Variants in AGBL1 observed in about 807,000 individuals in gnomAD.
AGBL1 encodes the protein cytosolic carboxypeptidase 4.
Under a neutral mutation model 118.9 loss-of-function variants are expected in AGBL1, and 130 were observed. That is an observed-to-expected ratio of 1.09 (90% CI 0.95 to 1.26). The LOEUF (loss-of-function observed/expected upper bound fraction) is 1.26. Ranked by LOEUF, AGBL1 falls within the 50% of genes most tolerant of loss-of-function variation. AGBL1 has a pLI of 0.00. For synonymous variants in AGBL1, 555 were observed against 478.9 expected (o/e 1.16, Z -2.08); for missense variants, 1,584 against 1,298.1 (o/e 1.22, Z -3.38).
In AGBL1 at chr15:86,476,745, C is replaced by T. The variant is rs149944959; in HGVS notation, c.2556-46065C>T. Reference sequence around the variant, plus strand: ...ACCAAGCAGACCTAATAGACATCTACGGAACTCTCCACCCCAAATCAACAG... The same window carrying T: ...ACCAAGCAGACCTAATAGACATCTATGGAACTCTCCACCCCAAATCAACAG... On this transcript the variant is annotated intron_variant, in intron 18 of 22. Coordinates refer to ENST00000614907, the MANE Select transcript of AGBL1 (RefSeq NM_001386094.1). 4.2e-3 allele frequency among the ~76,000 whole-genome samples: 634 copies of T among 152,286 alleles called. 15 individuals carry two copies. Among genetic ancestry groups the T allele is most frequent in the Non-Finnish European group, 1.0e-3 (71 of 68,042 alleles).
intron 18 of AGBL1, among the ~76,000 whole-genome samples, chr15:86,448,572 G>A (rs1009774239): frequency 6.6e-6 from 1 of 152,212 alleles, no homozygotes; most frequent in African/African-American, 2.4e-5. Context: ...GCATATCTGG[G>A]AATACTGATA....
At chr15:86,168,527 AC>A (rs1329447963) in intron 5 of AGBL1, among the ~76,000 whole-genome samples, 2 of 152,236 alleles carry the variant, frequency 1.3e-5, no homozygotes, top group Non-Finnish European at 2.9e-5. Flanking sequence ...AATATCAATC[AC>A]AGTATTATTT....
intron 21 of AGBL1, among the ~76,000 whole-genome samples, chr15:86,614,805 A>G (rs1289717999): frequency 6.6e-6 from 1 of 152,212 alleles, no homozygotes; most frequent in Non-Finnish European, 1.5e-5. Flanking sequence ...AAAAAACCAG[A>G]TTGTCATATA....
intron 23 of AGBL1, among the ~76,000 whole-genome samples, chr15:86,953,795 C>A (rs866573161): frequency 6.6e-6 from 1 of 152,074 alleles, no homozygotes; most frequent in African/African-American, 2.4e-5. Flanking sequence ...TTACCGAAGT[C>A]GTTTATTAGT....
intron 23 of AGBL1, among the ~76,000 whole-genome samples, chr15:86,958,881 A>C (rs892266153): frequency 1.3e-5 from 2 of 152,192 alleles, no homozygotes; most frequent in Non-Finnish European, 2.9e-5. Flanking sequence ...AAAAATATCA[A>C]TATGAATAAG....
At chr15:86,301,096 G>A (rs1159936254) in intron 17 of AGBL1, among the ~76,000 whole-genome samples, 1 of 152,120 alleles carries the variant, frequency 6.6e-6, no homozygotes, top group East Asian at 1.9e-4. Flanking sequence ...CTTTCCGTTG[G>A]GGAGAGCTGG....
intron 5 of AGBL1, among the ~76,000 whole-genome samples, chr15:86,197,958 C>G (rs1352301875): frequency 6.6e-6 from 1 of 152,028 alleles, no homozygotes; most frequent in Non-Finnish European, 1.5e-5. Flanking sequence ...CCACTCACAT[C>G]ACAGCCCAGA....
intron 1 of AGBL1, 122 bp from the exon 2 acceptor site, chr15:86,141,882 T>C: frequency 1.0e-6 from 1 of 991,954 alleles, no homozygotes; most frequent in Non-Finnish European, 1.5e-6. Context: ...TGCCTGTCCT[T>C]TCGCTGTAGT....
chr15:86,245,365 C>T (rs1026474380), intron 6 of AGBL1, among the ~76,000 whole-genome samples: 4 of 152,188 alleles, frequency 2.6e-5, no homozygotes, highest in African/African-American at 9.7e-5. Flanking sequence ...CATACTGTCT[C>T]ATACGCCAGT....
intron 22 of AGBL1, among the ~76,000 whole-genome samples, chr15:86,858,234 A>G (rs1326421656): frequency 6.6e-6 from 1 of 152,234 alleles, no homozygotes; most frequent in Non-Finnish European, 1.5e-5. Flanking sequence ...GGAAATAAAT[A>G]ATTGCTCAGA....
At chr15:86,213,744 T>A (rs1005346543) in intron 5 of AGBL1, among the ~76,000 whole-genome samples, 3 of 152,110 alleles carry the variant, frequency 2.0e-5, no homozygotes, top group African/African-American at 7.2e-5. Flanking sequence ...CTTTTTGTTA[T>A]TTTTTTATTA....
At chr15:86,765,486 C>T (rs1469444078) in intron 22 of AGBL1, among the ~76,000 whole-genome samples, 1 of 151,872 alleles carries the variant, frequency 6.6e-6, no homozygotes, top group South Asian at 2.1e-4. Context: ...GCTGGTGTTT[C>T]AGAAGACACA....
At chr15:86,597,920 G>A (rs2084434759) in intron 21 of AGBL1, among the ~76,000 whole-genome samples, 1 of 152,082 alleles carries the variant, frequency 6.6e-6, no homozygotes, top group Middle Eastern at 3.2e-3. Flanking sequence ...TAAAAGAGAG[G>A]GAACAAAGAT....
chr15:86,300,567 T>G (rs1263578138), intron 17 of AGBL1, among the ~76,000 whole-genome samples: 1 of 151,670 alleles, frequency 6.6e-6, no homozygotes, highest in African/African-American at 2.4e-5. Context: ...TGGGAGGGGG[T>G]GGATATGCTA....
intron 21 of AGBL1, among the ~76,000 whole-genome samples, chr15:86,652,611 CATTT>C (rs1224209881): frequency 6.6e-6 from 1 of 152,066 alleles, no homozygotes; most frequent in Non-Finnish European, 1.5e-5. Flanking sequence ...GCATACTATC[CATTT>C]ATTCTCCTTC....
intron 2 of AGBL1, among the ~76,000 whole-genome samples, chr15:86,142,775 G>C (rs1041632383): frequency 6.6e-6 from 1 of 152,134 alleles, no homozygotes; most frequent in Non-Finnish European, 1.5e-5. Flanking sequence ...CTTTCACGTG[G>C]GGCCTGTGTA....
At chr15:86,494,482 G>A (rs901037646) in intron 18 of AGBL1, among the ~76,000 whole-genome samples, 1 of 151,972 alleles carries the variant, frequency 6.6e-6, no homozygotes, top group Non-Finnish European at 1.5e-5. Context: ...TGCTGGTTTT[G>A]TATGATCTGC....
intron 24 of AGBL1, among the ~76,000 whole-genome samples, chr15:87,018,155 C>T (rs2081626522): frequency 7.3e-6 from 1 of 136,508 alleles, no homozygotes; most frequent in Admixed American, 6.8e-5. Context: ...ATTGGGGTAC[C>T]TGAAAGAGAT....
At position 86,711,188 on chromosome 15, in the gene AGBL1, T is replaced by G. The variant is rs138907898; in HGVS notation, c.3158+36752T>G. Among the ~76,000 whole-genome samples the G allele has an allele frequency of 3.2e-4, 49 of 152,308 alleles. 1 individual carries two copies. The East Asian group carries it at 5.8e-3, about 18-fold the overall frequency. On this transcript the variant is annotated intron_variant, in intron 22 of 22. Coordinates refer to ENST00000614907, the MANE Select transcript of AGBL1 (RefSeq NM_001386094.1). ...TACCTTATATATGTTTCAAGTGTTT[T>G]CCTCTCTGTAAATACCTGTCCAAGA...
Sources: gnomAD v4.1 joint callset for allele counts (sites outside exome capture counted in the v4.1 genomes callset) on GRCh38, gnomAD v4.1.1 for gene constraint, MANE v1.5 for transcripts, NCBI Gene and HGNC (gene_info 2026-07-23, HGNC 2026-07-21) for gene names.